Variants in CALCR observed in about 807,000 individuals in gnomAD.
CALCR encodes the protein calcitonin receptor.
CALCR carries 47 observed loss-of-function variants against 59.5 expected under a neutral mutation model. The ratio of observed to expected loss-of-function variants is 0.79; its 90% confidence interval spans 0.63 to 1.01. The LOEUF (loss-of-function observed/expected upper bound fraction) is 1.01. CALCR is among the 50% of genes least tolerant of loss of function. The pLI is 0.00. For synonymous variants in CALCR, 213 were observed against 211.3 expected (o/e 1.01, Z -0.07); for missense variants, 566 against 597.1 (o/e 0.95, Z 0.54).
chr7:93,482,927 A>C, intron 3 of CALCR: 1 of 513,772 alleles, frequency 1.9e-6, no homozygotes, highest in South Asian at 1.5e-5. Context: ...ATATTTGAGC[A>C]CTGAAGATGG....
At chr7:93,548,367 T>C (rs953173267) in intron 2 of CALCR, among the ~76,000 whole-genome samples, 2 of 152,190 alleles carry the variant, frequency 1.3e-5, no homozygotes, top group East Asian at 3.8e-4. Context: ...TTTCCAGTTC[T>C]TTGCTTTCAA....
chr7:93,483,442 TAGATAGATAGATAGAC>T (rs1366433762), intron 3 of CALCR, among the ~76,000 whole-genome samples: 240 of 140,620 alleles, frequency 1.7e-3, no homozygotes, highest in African/African-American at 6.3e-3. Context: ...GATAGATAGA[TAGATAGATAGATAGAC>T]AGACAGATAG....
chr7:93,458,255 G>T (rs559881677), intron 8 of CALCR, among the ~76,000 whole-genome samples: 11 of 152,102 alleles, frequency 7.2e-5, no homozygotes, highest in Admixed American at 2.0e-4. Flanking sequence ...AAATTAAGCT[G>T]CTTTCCCACG....
At chr7:93,513,976 C>T (rs540815658) in intron 2 of CALCR, among the ~76,000 whole-genome samples, 1 of 152,000 alleles carries the variant, frequency 6.6e-6, no homozygotes, top group South Asian at 2.1e-4. Flanking sequence ...TCAGCATAAA[C>T]TGTAATGAGG....
chr7:93,535,536 A>G (rs12674080), intron 2 of CALCR, among the ~76,000 whole-genome samples: 13,080 of 151,726 alleles, frequency 0.086, 628 homozygotes, highest in African/African-American at 0.098. Context: ...ACAGATAATG[A>G]TTGTTATGAC....
Position 93,434,594 on chromosome 7 carries a change from GA to G in CALCR, c.1150-301del, listed in dbSNP as rs74532696. Reference sequence around the variant, plus strand: ...AGCATATGCTGATTATGGTGAATTTGAAAAAAAAAAACTACACTTAGAAAAT... The same window carrying G: ...AGCATATGCTGATTATGGTGAATTTGAAAAAAAAAACTACACTTAGAAAAT... On this transcript the variant is annotated intron_variant, in intron 12 of 13. Coordinates refer to ENST00000426151, the MANE Select transcript of CALCR (RefSeq NM_001742.4). Among the ~76,000 whole-genome samples, 2,934 of 146,998 alleles carry G rather than the reference GA, an allele frequency of 0.02. 92 individuals are homozygous for G. The highest frequency in any genetic ancestry group is 0.068 in the African/African-American group (2,723 of 40,146).
At chr7:93,512,180 A>C (rs1801560340) in intron 2 of CALCR, among the ~76,000 whole-genome samples, 1 of 152,170 alleles carries the variant, frequency 6.6e-6, no homozygotes, top group Non-Finnish European at 1.5e-5. Context: ...TGTCTGGCAG[A>C]GTATGCTTTG....
chr7:93,467,200 A>G (rs1800458216), intron 7 of CALCR, among the ~76,000 whole-genome samples: 1 of 151,834 alleles, frequency 6.6e-6, no homozygotes. Context: ...ATGTTATGTG[A>G]TTACTGTATT....
chr7:93,537,497 T>C (rs900918362), intron 2 of CALCR, among the ~76,000 whole-genome samples: 1 of 151,864 alleles, frequency 6.6e-6, no homozygotes, highest in African/African-American at 2.4e-5. Flanking sequence ...TTCTATAGTA[T>C]ACATTTTCAA....
chr7:93,450,658 G>A (rs1199857868), intron 8 of CALCR, among the ~76,000 whole-genome samples: 3 of 151,960 alleles, frequency 2.0e-5, no homozygotes, highest in Non-Finnish European at 4.4e-5. Context: ...CCATTTTAAA[G>A]TCTCATCTTC....
intron 2 of CALCR, among the ~76,000 whole-genome samples, chr7:93,524,835 A>G (rs1243925020): frequency 6.6e-6 from 1 of 152,168 alleles, no homozygotes; most frequent in South Asian, 2.1e-4. Flanking sequence ...AAAGCATGCT[A>G]TAAAGTGAAT....
chr7:93,481,705 G>A (rs1267837066), intron 3 of CALCR, among the ~76,000 whole-genome samples: 1 of 151,718 alleles, frequency 6.6e-6, no homozygotes, highest in Non-Finnish European at 1.5e-5. Flanking sequence ...AACTTCAAAT[G>A]GACACCAATT....
chr7:93,529,891 C>A (rs188236097), intron 2 of CALCR, among the ~76,000 whole-genome samples: 71 of 152,246 alleles, frequency 4.7e-4, no homozygotes, highest in African/African-American at 1.3e-3. Context: ...GAGTAACAAT[C>A]TAATTTACAT....
rs746516889 is a variant in CALCR, at chr7:93,443,604, C to A, written c.802G>T (p.Gly268Trp). 8 of 1,611,900 alleles carry A rather than the reference C, an allele frequency of 5.0e-6. No individual in the cohort carries two copies. The highest frequency in any genetic ancestry group is 1.1e-5 in the South Asian group (1 of 90,802). Residue 268 changes from glycine (G) to tryptophan (W), a missense_variant and splice_region_variant, in exon 9 of 14, where the codon GGG (glycine) becomes TGG (tryptophan). By Grantham distance (184) the Gly-to-Trp change is radical (BLOSUM62 -2). Transcript: ENST00000426151. ...RLRWYYLLGWGFPLVPTTIHA... is the reference protein window; with the variant it reads ...RLRWYYLLGWWFPLVPTTIHA... Reference sequence around the variant, plus strand: ...AAACTTAGCTGCAGAAAATACATACCCCAGCCCAAGAGATAATACCACCGC... The same window carrying A: ...AAACTTAGCTGCAGAAAATACATACACCAGCCCAAGAGATAATACCACCGC...
chr7:93,487,085 T>G, intron 2 of CALCR, 78 bp from the exon 3 acceptor site: 1 of 772,880 alleles, frequency 1.3e-6, no homozygotes, highest in Non-Finnish European at 2.1e-6. Context: ...TTTCATTTTT[T>G]CTATTTGACT....
chr7:93,479,897 A>G (rs966439268), intron 3 of CALCR, among the ~76,000 whole-genome samples: 27 of 151,962 alleles, frequency 1.8e-4, no homozygotes, highest in African/African-American at 6.3e-4. Flanking sequence ...ATCATGAATC[A>G]TGTTATTAAA....
At chr7:93,574,590 C>T (rs1790080023) in intron 1 of CALCR, 84 bp from the exon 2 acceptor site, 1 of 152,380 alleles carries the variant, frequency 6.6e-6, no homozygotes. Context: ...TTAAATCTGT[C>T]TTAGGTGGTT....
intron 8 of CALCR, among the ~76,000 whole-genome samples, chr7:93,455,307 T>G (rs888159943): frequency 1.9e-4 from 29 of 152,108 alleles, no homozygotes; most frequent in African/African-American, 6.5e-4. Flanking sequence ...TTTATAACTG[T>G]GGTTGTCGTT....
rs141432628 is a variant in CALCR at position 93,491,304 on chromosome 7, T to C, written c.-26-4297A>G. On this transcript the variant is annotated intron_variant, in intron 2 of 13. Transcript: ENST00000426151. ...TAAAAACCACAAACCATAAAAACTC[T>C]AGAAGAAAACCTAGGCAATACCATT... Among the ~76,000 whole-genome samples, 1,300 of 152,134 alleles carry C rather than the reference T, an allele frequency of 8.5e-3. 10 individuals are homozygous for C. Among genetic ancestry groups the C allele is most frequent in the Non-Finnish European group, 0.014 (943 of 67,972 alleles).
Sources: allele counts gnomAD v4.1 joint callset (sites outside exome capture counted in the v4.1 genomes callset), GRCh38; gene constraint gnomAD v4.1.1; transcripts MANE v1.5; gene names NCBI Gene and HGNC (gene_info 2026-07-23, HGNC 2026-07-21).